CCDC146: variants seen among roughly 807,000 people sequenced by gnomAD.
CCDC146 encodes the protein coiled-coil domain containing 146, also known as coiled-coil domain-containing protein 146.
A neutral mutation model predicts 119.3 loss-of-function variants in CCDC146; 92 were observed. The observed-to-expected ratio is 0.77, with a 90% CI of 0.65 to 0.92. CCDC146 has a LOEUF of 0.92. CCDC146 is among the 40% of genes least tolerant of loss of function. The pLI, the probability that CCDC146 is intolerant of heterozygous loss-of-function variation, is 0.00. For missense variants in CCDC146, 1,000 were observed against 1,103.0 expected, an observed-to-expected ratio of 0.91 and a Z score of 1.32; for synonymous variants, 372 against 371.8, an observed-to-expected ratio of 1.00 and a Z score of -0.01.
At chr7:77,197,992 C>T (rs1009628019) in intron 2 of CCDC146, 1 of 279,724 alleles carries the variant, frequency 3.6e-6, no homozygotes, top group African/African-American at 2.3e-5. Context: ...AAAATCTATT[C>T]CTGTATATTT....
chr7:77,210,620 C>T, intron 2 of CCDC146, among the ~76,000 whole-genome samples: 1 of 152,216 alleles, frequency 6.6e-6, no homozygotes, highest in East Asian at 1.9e-4. Context: ...TAGAAATGCC[C>T]CACTTCTCTG....
chr7:77,268,251 T>C (rs1282196045), intron 9 of CCDC146, among the ~76,000 whole-genome samples: 1 of 152,216 alleles, frequency 6.6e-6, no homozygotes, highest in Non-Finnish European at 1.5e-5. Flanking sequence ...TTGGACAATG[T>C]TCATGTTTTT....
At chr7:77,247,485 G>A (rs1792975708) in intron 4 of CCDC146, among the ~76,000 whole-genome samples, 1 of 152,088 alleles carries the variant, frequency 6.6e-6, no homozygotes, top group Non-Finnish European at 1.5e-5. Context: ...AAAAGCAAAG[G>A]CATAACTATT....
intron 3 of CCDC146, 61 bp from the exon 4 acceptor site, chr7:77,241,630 C>T: frequency 6.9e-7 from 1 of 1,455,804 alleles, no homozygotes; most frequent in Non-Finnish European, 9.6e-7. Flanking sequence ...TAGACCCCCA[C>T]AGGAGCCACC....
intron 2 of CCDC146, among the ~76,000 whole-genome samples, chr7:77,203,466 G>A (rs1165961819): frequency 2.0e-5 from 3 of 152,026 alleles, no homozygotes; most frequent in Non-Finnish European, 2.9e-5. Flanking sequence ...TTGAAATCAC[G>A]GGAATCAAAA....
intron 13 of CCDC146, among the ~76,000 whole-genome samples, chr7:77,279,792 C>T (rs962592608): frequency 2.0e-5 from 3 of 152,166 alleles, no homozygotes; most frequent in Admixed American, 2.0e-4. Context: ...TTGTTTTCTT[C>T]ATTTATTATT....
At chr7:77,145,411 A>G (rs1322955112) in intron 1 of CCDC146, among the ~76,000 whole-genome samples, 2 of 149,882 alleles carry the variant, frequency 1.3e-5, no homozygotes, top group East Asian at 2.0e-4. Context: ...TTGTGTCTCT[A>G]TCTCCTTCAG....
At chr7:77,185,697 T>C (rs1791656876) in intron 2 of CCDC146, among the ~76,000 whole-genome samples, 1 of 152,138 alleles carries the variant, frequency 6.6e-6, no homozygotes, top group African/African-American at 2.4e-5. Flanking sequence ...CAGACAAACA[T>C]GCACAAGCGT....
At position 77,241,894 on chromosome 7, in the gene CCDC146, T is replaced by A; in HGVS notation, c.443T>A (p.Leu148Ter). Residue 148 changes from leucine (L) to a stop codon, truncating the protein, a stop_gained, in exon 4 of 19, where the codon TTA becomes TAA. Transcript: ENST00000285871. LOFTEE classifies it high-confidence loss of function. ...AGAGAGTTCCATAATCAGTACAGAT[T>A]AAATAGGTAAGTGCACAGTTCTCTC... is the stretch of plus-strand genomic sequence containing the variant. The part of the protein sequence containing the change: ...KEREFHNQYR[L>*]NSLKEEKIII... The A allele has an allele frequency of 1.2e-6, 2 of 1,608,040 alleles. No individual in the cohort carries two copies. Among genetic ancestry groups the A allele is most frequent in the Admixed American group, 1.7e-5 (1 of 60,010 alleles).
Position 77,199,868 on chromosome 7 carries a change from A to T in CCDC146, c.156+32044A>T, listed in dbSNP as rs569611166. ...TTTAATAGCGGCAGCTGCCTGAGTC[A>T]GGCTTTCTGTGTTCCCAGGAAAGGG... On this transcript the variant is annotated intron_variant, in intron 2 of 18. Coordinates refer to ENST00000285871, the MANE Select transcript of CCDC146 (RefSeq NM_020879.3). The T allele has an allele frequency of 2.3e-4, 347 of 1,511,882 alleles. 2 individuals are homozygous for T. The South Asian group carries it at 4.2e-3, about 18-fold the overall frequency. 93.7% of individuals were successfully genotyped at this position (1,511,882 alleles called of 1,614,324 possible). A position where few individuals can be genotyped will look rare whatever the true frequency, so the allele number is the denominator to read the frequency against.
intron 17 of CCDC146, among the ~76,000 whole-genome samples, chr7:77,290,176 A>G (rs1041758185): frequency 6.8e-6 from 1 of 146,340 alleles, no homozygotes; most frequent in African/African-American, 2.5e-5. Context: ...TCACTCATAG[A>G]TGGGAACTGA....
intron 6 of CCDC146, among the ~76,000 whole-genome samples, chr7:77,258,727 G>A (rs1461695344): frequency 6.6e-6 from 1 of 152,190 alleles, no homozygotes; most frequent in Non-Finnish European, 1.5e-5. Flanking sequence ...TCCATTGTAT[G>A]TGGAGGAGCA....
chr7:77,187,953 C>T (rs1193413628), intron 2 of CCDC146, among the ~76,000 whole-genome samples: 2 of 152,114 alleles, frequency 1.3e-5, no homozygotes, highest in African/African-American at 4.8e-5. Flanking sequence ...TTGGCCAATC[C>T]CAGCGGCCGT....
chr7:77,189,227 C>G (rs1199682947), intron 2 of CCDC146, among the ~76,000 whole-genome samples: 1 of 152,172 alleles, frequency 6.6e-6, no homozygotes, highest in Admixed American at 6.5e-5. Flanking sequence ...CCCCTGCAGA[C>G]TTCCGCATTT....
intron 1 of CCDC146, among the ~76,000 whole-genome samples, chr7:77,133,652 C>CCTTT (rs1554345434): frequency 7.3e-6 from 1 of 137,832 alleles, no homozygotes. Flanking sequence ...CCTGGAACAC[C>CCTTT]TTTTTTTTTT....
chr7:77,145,038 C>T (rs541085505), intron 1 of CCDC146, among the ~76,000 whole-genome samples: 3 of 151,742 alleles, frequency 2.0e-5, no homozygotes, highest in South Asian at 4.1e-4. Context: ...GCTGTGAATC[C>T]GTCTGGTCCT....
intron 17 of CCDC146, among the ~76,000 whole-genome samples, chr7:77,290,429 T>G (rs1183757870): frequency 6.6e-6 from 1 of 151,966 alleles, no homozygotes; most frequent in Non-Finnish European, 1.5e-5. Flanking sequence ...CGTGGTTGAG[T>G]GGAAAATGAC....
chr7:77,156,900 A>G (rs1490610679), intron 1 of CCDC146, among the ~76,000 whole-genome samples: 1 of 150,672 alleles, frequency 6.6e-6, no homozygotes, highest in African/African-American at 2.5e-5. Context: ...CCAAAAGATA[A>G]TATACATATA....
chr7:77,287,347 G>T lies in CCDC146; in HGVS notation c.2278-93G>T. ...AAACACTTTCCAGAGGTATTTTGTGGGGGGTAGGGGGAGATACTGCTCTAA... is the reference window on the plus strand; with the variant it reads ...AAACACTTTCCAGAGGTATTTTGTGTGGGGTAGGGGGAGATACTGCTCTAA... On this transcript the variant is annotated intron_variant, in intron 16 of 18. Coordinates refer to ENST00000285871, the MANE Select transcript of CCDC146 (RefSeq NM_020879.3). The T allele has an allele frequency of 6.8e-6, 9 of 1,319,214 alleles. No homozygotes were observed. In the South Asian group the frequency reaches 1.2e-4, roughly 17 times the overall value. 81.7% of individuals were successfully genotyped at this position (1,319,214 alleles called of 1,614,324 possible).
Sources: gnomAD v4.1 joint callset for allele counts (sites outside exome capture counted in the v4.1 genomes callset) on GRCh38, gnomAD v4.1.1 for gene constraint, MANE v1.5 for transcripts, NCBI Gene and HGNC (gene_info 2026-07-23, HGNC 2026-07-21) for gene names.